Variants in CREB5 observed in about 807,000 individuals in gnomAD.
The protein encoded by CREB5 is cAMP responsive element binding protein 5, also known as cyclic AMP-responsive element-binding protein 5.
Under a neutral mutation model 57.1 loss-of-function variants are expected in CREB5, and 19 were observed. The observed-to-expected ratio is 0.33, with a 90% CI of 0.23 to 0.49. CREB5 has a LOEUF of 0.49. CREB5 is among the 20% of genes least tolerant of loss of function. CREB5 has a pLI of 0.99. For missense variants in CREB5, 579 were observed against 671.6 expected (o/e 0.86, Z 1.52); for synonymous variants, 238 against 238.3 (o/e 1.00, Z 0.01).
intron 1 of CREB5, among the ~76,000 whole-genome samples, chr7:28,482,735 A>T (rs1343403636): frequency 1.3e-5 from 2 of 152,206 alleles, no homozygotes; most frequent in African/African-American, 4.8e-5. Flanking sequence ...TTTATAATGC[A>T]TTCATTTCCA....
At position 28,548,114 on chromosome 7, in the gene CREB5, A is replaced by G. The variant is rs1013339312; in HGVS notation, c.292-22251A>G. Among the ~76,000 whole-genome samples the G allele has an allele frequency of 5.9e-5, 9 of 152,274 alleles. No homozygotes were observed. In the South Asian group the frequency reaches 8.3e-4, roughly 14 times the overall value. On this transcript the variant is annotated intron_variant, in intron 4 of 10. Coordinates refer to ENST00000357727, the MANE Select transcript of CREB5 (RefSeq NM_182898.4). Reference sequence around the variant, plus strand: ...AATTTTGTGACCAGGTAGGCTTTTCATCAGCTTGAGTTTAAACTCTTTGAA... The same window carrying G: ...AATTTTGTGACCAGGTAGGCTTTTCGTCAGCTTGAGTTTAAACTCTTTGAA...
chr7:28,468,567 G>C (rs922063547), intron 1 of CREB5, among the ~76,000 whole-genome samples: 1 of 152,188 alleles, frequency 6.6e-6, no homozygotes, highest in African/African-American at 2.4e-5. Context: ...GAGGTGCTAA[G>C]AATAATAGCA....
intron 1 of CREB5, among the ~76,000 whole-genome samples, chr7:28,375,301 C>G (rs1786801753): frequency 6.6e-6 from 1 of 151,952 alleles, no homozygotes; most frequent in Admixed American, 6.6e-5. Flanking sequence ...TTTGTGGGAT[C>G]TAATAATCAA....
chr7:28,610,542 A>G (rs1797343107), intron 5 of CREB5, among the ~76,000 whole-genome samples: 1 of 152,226 alleles, frequency 6.6e-6, no homozygotes. Context: ...AATAAACCCA[A>G]TGAAAACACA....
At chr7:28,750,103 C>CT (rs1804896497) in intron 7 of CREB5, among the ~76,000 whole-genome samples, 2 of 151,878 alleles carry the variant, frequency 1.3e-5, no homozygotes, top group African/African-American at 4.8e-5. Flanking sequence ...TGCATTTTTT[C>CT]TTTTTTCCTT....
At chr7:28,798,601 G>A (rs1177024897) in intron 7 of CREB5, among the ~76,000 whole-genome samples, 1 of 152,198 alleles carries the variant, frequency 6.6e-6, no homozygotes, top group African/African-American at 2.4e-5. Context: ...CCGGCAGCAG[G>A]CCCACCCTCC....
chr7:28,473,358 C>G (rs1790912213), intron 1 of CREB5, among the ~76,000 whole-genome samples: 1 of 152,182 alleles, frequency 6.6e-6, no homozygotes, highest in African/African-American at 2.4e-5. Flanking sequence ...GTGCACCTTT[C>G]TCTCTTTATC....
At chr7:28,399,647 G>A (rs890252117) in intron 1 of CREB5, among the ~76,000 whole-genome samples, 17 of 152,214 alleles carry the variant, frequency 1.1e-4, no homozygotes, top group African/African-American at 4.1e-4. Context: ...CTGTCATAGT[G>A]TCTCACACCT....
chr7:28,675,480 CTT>C (rs1001171696), intron 5 of CREB5, among the ~76,000 whole-genome samples: 6 of 152,174 alleles, frequency 3.9e-5, no homozygotes, highest in Non-Finnish European at 7.4e-5. Flanking sequence ...CAGCTAAAGT[CTT>C]TTGTGAGATG....
chr7:28,669,321 T>G (rs1799943817), intron 5 of CREB5, among the ~76,000 whole-genome samples: 1 of 152,228 alleles, frequency 6.6e-6, no homozygotes, highest in Admixed American at 6.5e-5. Context: ...TACTTTGATT[T>G]GTTAGCAATT....
At chr7:28,344,269 T>G (rs1312659227) in intron 1 of CREB5, among the ~76,000 whole-genome samples, 4 of 152,180 alleles carry the variant, frequency 2.6e-5, no homozygotes, top group Admixed American at 2.6e-4. Context: ...TTCTAGTAGT[T>G]TCATAGTTTT....
intron 9 of CREB5, among the ~76,000 whole-genome samples, chr7:28,813,659 A>G (rs1314335043): frequency 6.6e-6 from 1 of 152,250 alleles, no homozygotes. Context: ...TGGATTTATC[A>G]TATAAATAAT....
Position 28,702,591 on chromosome 7 carries a change from G to A in CREB5, c.465-16162G>A, listed in dbSNP as rs577719383. Among the ~76,000 whole-genome samples the A allele has an allele frequency of 5.3e-5, 8 of 152,274 alleles. No individual in the cohort carries two copies. The South Asian group carries it at 1.0e-3, about 20-fold the overall frequency. On this transcript the variant is annotated intron_variant, in intron 5 of 10. Transcript: ENST00000357727. ...GAGCAGTGTCCTCCAGAAAGTAAGC[G>A]TACATTTTCCCAATGGTGAAAGGAA... is the stretch of plus-strand genomic sequence containing the variant.
At chr7:28,365,003 C>A (rs1786558478) in intron 1 of CREB5, among the ~76,000 whole-genome samples, 1 of 152,078 alleles carries the variant, frequency 6.6e-6, no homozygotes, top group Non-Finnish European at 1.5e-5. Context: ...TTGGTGACAC[C>A]AACTTGGTGA....
chr7:28,560,897 C>CGTGCGTGTGTGCGTGCGT (rs1554344444), intron 4 of CREB5, among the ~76,000 whole-genome samples: 1 of 22,526 alleles, frequency 4.4e-5, no homozygotes, highest in Non-Finnish European at 9.2e-5. Flanking sequence ...CGTGTGTGTG[C>CGTGCGTGTGTGCGTGCGT]GTGCGCGCGT....
At chr7:28,754,120 A>G (rs1805149362) in intron 7 of CREB5, among the ~76,000 whole-genome samples, 1 of 152,122 alleles carries the variant, frequency 6.6e-6, no homozygotes, top group Non-Finnish European at 1.5e-5. Flanking sequence ...GTTCCACTCC[A>G]TCTGCATGAA....
chr7:28,686,251 C>G, intron 5 of CREB5: 1 of 1,413,520 alleles, frequency 7.1e-7, no homozygotes, highest in South Asian at 1.2e-5. Flanking sequence ...TTTTTTTGCC[C>G]CTACTGCCTT....
At chr7:28,644,945 T>C (rs564219459) in intron 5 of CREB5, among the ~76,000 whole-genome samples, 3 of 152,292 alleles carry the variant, frequency 2.0e-5, no homozygotes, top group East Asian at 1.9e-4. Context: ...AGGAAAGGCA[T>C]GTGAAGAGGC....
At chr7:28,403,446 C>G (rs1183360512) in intron 1 of CREB5, among the ~76,000 whole-genome samples, 2 of 152,146 alleles carry the variant, frequency 1.3e-5, no homozygotes, top group African/African-American at 2.4e-5. Context: ...TTTTCAGTAA[C>G]TACTAGTGTC....
Sources: allele counts gnomAD v4.1 joint callset (sites outside exome capture counted in the v4.1 genomes callset), GRCh38; gene constraint gnomAD v4.1.1; transcripts MANE v1.5; gene names NCBI Gene and HGNC (gene_info 2026-07-23, HGNC 2026-07-21).